NFYA: variants seen among roughly 807,000 people sequenced by gnomAD.
The protein encoded by NFYA is nuclear transcription factor Y subunit alpha.
Under a neutral mutation model 52.8 loss-of-function variants are expected in NFYA, and 28 were observed. The observed-to-expected ratio is 0.53, with a 90% confidence interval of 0.39 to 0.73. The LOEUF (loss-of-function observed/expected upper bound fraction) is 0.73, where lower values mean the gene tolerates loss of function less well. Among genes scored for constraint, NFYA ranks in the 30% least tolerant of loss-of-function variants. The probability of loss-of-function intolerance (pLI) is 0.00; values close to 1 mark genes in which losing one functional copy is unlikely to be tolerated. For synonymous variants in NFYA, 150 were observed against 150.7 expected, an observed-to-expected ratio of 1.00 and a Z score of 0.03; for missense variants, 234 against 427.0, an observed-to-expected ratio of 0.55 and a Z score of 3.98.
rs1314470746 is a variant in NFYA at position 41,098,999 on chromosome 6, T to C, written c.*1589T>C. ...GAATAAAAATTGGTTCTTCTTTGAC[T>C]TCAGCTTAACTGTATTAAGACAGAA... On this transcript the variant is annotated 3_prime_UTR_variant, in exon 10 of 10. Transcript: ENST00000341376. 6.6e-6 allele frequency: 1 copy of C among 152,266 alleles called. No individual in the cohort carries two copies. The highest frequency in any genetic ancestry group is 1.5e-5 in the Non-Finnish European group (1 of 68,040). 9.4% of individuals were successfully genotyped at this position (152,266 alleles called of 1,614,324 possible).
chr6:41,073,996 C>A (rs1763647525), intron 1 of NFYA, among the ~76,000 whole-genome samples: 8 of 151,516 alleles, frequency 5.3e-5, no homozygotes. Flanking sequence ...AGATTGATAC[C>A]CTTGCGCATT....
At chr6:41,087,372 A>G (rs1764076707) in intron 4 of NFYA, among the ~76,000 whole-genome samples, 2 of 152,152 alleles carry the variant, frequency 1.3e-5, no homozygotes, top group Non-Finnish European at 2.9e-5. Context: ...TTCCATCAGT[A>G]GTCCTTTTTC....
intron 6 of NFYA, among the ~76,000 whole-genome samples, chr6:41,091,322 C>G (rs893317308): frequency 7.9e-5 from 12 of 152,268 alleles, no homozygotes; most frequent in Middle Eastern, 3.4e-3. Context: ...GGGACCTAGA[C>G]AGTTAATAGA....
intron 4 of NFYA, among the ~76,000 whole-genome samples, chr6:41,085,869 G>A (rs995915113): frequency 6.6e-6 from 1 of 151,832 alleles, no homozygotes; most frequent in African/African-American, 2.4e-5. Flanking sequence ...AAACATTTGG[G>A]CACGATAGTT....
At chr6:41,084,012 G>A in intron 3 of NFYA, 34 bp from the exon 4 acceptor site, 4 of 1,560,690 alleles carry the variant, frequency 2.6e-6, no homozygotes, top group Non-Finnish European at 2.6e-6. Flanking sequence ...TGTGTCTTAT[G>A]TTATTTCATT....
chr6:41,074,364 C>T (rs1188724190), intron 1 of NFYA, among the ~76,000 whole-genome samples: 1 of 152,126 alleles, frequency 6.6e-6, no homozygotes, highest in African/African-American at 2.4e-5. Context: ...ACGTAGAGGT[C>T]AATAAGAACT....
chr6:41,080,806 C>G lies in NFYA; in HGVS notation c.76-5C>G. On this transcript the variant is annotated splice_region_variant and splice_polypyrimidine_tract_variant and intron_variant, in intron 2 of 9. Coordinates refer to ENST00000341376, the MANE Select transcript of NFYA (RefSeq NM_002505.5). Reference sequence around the variant, plus strand: ...ATTTCAAGCTCTTCCTGTTCCTGTTCTCAGCAGCAGGGTGGTGTCACTGCT... The same window carrying G: ...ATTTCAAGCTCTTCCTGTTCCTGTTGTCAGCAGCAGGGTGGTGTCACTGCT... 1.9e-6 allele frequency: 3 copies of G among 1,611,968 alleles called. No individual in the cohort carries two copies. The highest frequency in any genetic ancestry group is 2.5e-6 in the Non-Finnish European group (3 of 1,178,152).
intron 1 of NFYA, among the ~76,000 whole-genome samples, 179 bp downstream of exon 1, chr6:41,073,263 C>T (rs1485148036): frequency 6.6e-6 from 1 of 151,502 alleles, no homozygotes; most frequent in Non-Finnish European, 1.5e-5. Flanking sequence ...CCTCGGGGCA[C>T]TCCCGGCCGA....
Position 41,101,415 on chromosome 6 carries a change from A to G in NFYA, c.*4005A>G, listed in dbSNP as rs1305873509. 1.3e-5 allele frequency among the ~76,000 whole-genome samples: 2 copies of G among 152,168 alleles called. No homozygotes were observed. The highest frequency in any genetic ancestry group is 2.4e-5 in the African/African-American group (1 of 41,440). On this transcript the variant is annotated 3_prime_UTR_variant, in exon 10 of 10. Transcript: ENST00000341376. ...CTTGAGCTCACCCCAAAGATGATGA[A>G]ATTGAAACTCAGAGGAAAGGATTTT...
rs190966168 is a variant in NFYA at position 41,093,457 on chromosome 6, G to C, written c.888+372G>C. The stretch of plus-strand genomic sequence containing the variant: ...TCCAGCCTAGGAAGAAAGGGAACAA[G>C]AAAGGTACCCTTTCTTTTTTTTTTT... On this transcript the variant is annotated intron_variant, in intron 8 of 9. Coordinates refer to ENST00000341376, the MANE Select transcript of NFYA (RefSeq NM_002505.5). 2.3e-3 allele frequency among the ~76,000 whole-genome samples: 354 copies of C among 151,834 alleles called. 1 individual carries two copies. Among genetic ancestry groups the C allele is most frequent in the Admixed American group, 0.016 (237 of 15,252 alleles).
At position 41,094,420 on chromosome 6, in the gene NFYA, C is replaced by G; in HGVS notation, c.913C>G (p.Arg305Gly). Residue 305 changes from arginine (R) to glycine (G), a missense_variant, in exon 9 of 10, where the codon CGT becomes GGT. By Grantham distance (125) the Arg-to-Gly change is moderately radical. Around this residue, in one of 3 missense-constraint regions of NFYA, gnomAD observed 81 missense variants for 210.5 expected, o/e 0.38. Coordinates refer to ENST00000341376, the MANE Select transcript of NFYA (RefSeq NM_002505.5). ...GAAATACCTGCATGAGTCTCGGCAC[C>G]GTCATGCCATGGCACGGAAGCGTGG... ...RRKYLHESRHRHAMARKRGEG... is the reference protein window; with the variant it reads ...RRKYLHESRHGHAMARKRGEG... 1 of 1,614,104 alleles carries G rather than the reference C, an allele frequency of 6.2e-7. No individual in the cohort carries two copies. Among genetic ancestry groups the G allele is most frequent in the Non-Finnish European group, 8.5e-7 (1 of 1,179,972 alleles).
chr6:41,085,531 G>A (rs968709110), intron 4 of NFYA, among the ~76,000 whole-genome samples: 2 of 152,100 alleles, frequency 1.3e-5, no homozygotes, highest in African/African-American at 4.8e-5. Flanking sequence ...ATGGAAAAGA[G>A]AGTATGAGAT....
At chr6:41,073,921 C>T (rs1327461655) in intron 1 of NFYA, among the ~76,000 whole-genome samples, 3 of 151,578 alleles carry the variant, frequency 2.0e-5, no homozygotes, top group Admixed American at 6.6e-5. Flanking sequence ...CCCAACCAAG[C>T]GGTCTCCGTT....
intron 1 of NFYA, among the ~76,000 whole-genome samples, chr6:41,074,223 A>ACGTTTT (rs1397496625): frequency 6.6e-6 from 1 of 152,164 alleles, no homozygotes; most frequent in African/African-American, 2.4e-5. Context: ...TCCTGTGTTA[A>ACGTTTT]CGTTTTCTCA....
chr6:41,077,559 C>T (rs891786914), intron 1 of NFYA, among the ~76,000 whole-genome samples: 1 of 152,088 alleles, frequency 6.6e-6, no homozygotes, highest in African/African-American at 2.4e-5. Context: ...GTATTAGAGA[C>T]AAGATAGAAT....
rs1764407116 is a variant in NFYA at position 41,097,966 on chromosome 6, A to G, written c.*556A>G. 1 of 152,880 alleles carries G rather than the reference A, an allele frequency of 6.5e-6. No individual in the cohort carries two copies. The highest frequency in any genetic ancestry group is 2.4e-5 in the African/African-American group (1 of 41,458). The allele number at this position is 152,880 out of a possible 1,614,324, so 9.5% of individuals were successfully genotyped here. On this transcript the variant is annotated 3_prime_UTR_variant, in exon 10 of 10. Transcript: ENST00000341376. ...TACATTCTTCCAATCTGTGGTAATAATAAGAATTCCTCTCTGCCCAGATGG... is the reference window on the plus strand; with the variant it reads ...TACATTCTTCCAATCTGTGGTAATAGTAAGAATTCCTCTCTGCCCAGATGG...
chr6:41,082,557 T>G (rs1763938870), intron 3 of NFYA, among the ~76,000 whole-genome samples: 1 of 152,174 alleles, frequency 6.6e-6, no homozygotes, highest in African/African-American at 2.4e-5. Context: ...AGATAGAAAA[T>G]TATTAATAGC....
In NFYA at chr6:41,102,308, C is replaced by G. The variant is rs1764521744; in HGVS notation, c.*4898C>G. ...CTGCTAATCTACCCAGTCTCACATT[C>G]TATTGACTCATTGTTCAAAGGGGGG... On this transcript the variant is annotated 3_prime_UTR_variant, in exon 10 of 10. Transcript: ENST00000341376. Among the ~76,000 whole-genome samples the G allele has an allele frequency of 6.6e-6, 1 of 152,146 alleles. No individual in the cohort carries two copies. Among genetic ancestry groups the G allele is most frequent in the African/African-American group, 2.4e-5 (1 of 41,432 alleles).
At position 41,091,543 on chromosome 6, in the gene NFYA, C is replaced by G; in HGVS notation, c.563C>G (p.Ser188Ter). Residue 188 changes from serine to a stop codon, truncating the protein, a stop_gained, in exon 7 of 10, where the codon TCA becomes TGA. Transcript: ENST00000341376. LOFTEE classifies it high-confidence loss of function. ...TILQQVTVPV[S>*]GMITIPAASL... ...TTTCTTAAAGTTACAGTCCCTGTTT[C>G]AGGCATGATCACTATCCCAGCAGCC... 1 of 1,613,512 alleles carries G rather than the reference C, an allele frequency of 6.2e-7. No homozygotes were observed. Among genetic ancestry groups the G allele is most frequent in the Non-Finnish European group, 8.5e-7 (1 of 1,179,822 alleles).
Sources: gnomAD v4.1 joint callset for allele counts (sites outside exome capture counted in the v4.1 genomes callset) on GRCh38, gnomAD v4.1.1 for gene constraint, gnomAD v4.1.1 regional missense constraint, MANE v1.5 for transcripts, NCBI Gene and HGNC (gene_info 2026-07-23, HGNC 2026-07-21) for gene names.